AKAP6: variants seen among roughly 807,000 people sequenced by gnomAD.
The protein encoded by AKAP6 is A-kinase anchor protein 6.
Under a neutral mutation model 188.5 loss-of-function variants are expected in AKAP6, and 58 were observed. The ratio of observed to expected loss-of-function variants is 0.31; its 90% CI spans 0.25 to 0.38. The LOEUF (loss-of-function observed/expected upper bound fraction) is 0.38, where lower values mean the gene tolerates loss of function less well. Among genes scored for constraint, AKAP6 ranks in the 10% least tolerant of loss-of-function variants. The pLI, the probability that AKAP6 is intolerant of heterozygous loss-of-function variation, is 1.00. For missense variants in AKAP6, 2,710 were observed against 2,740.0 expected, an observed-to-expected ratio of 0.99 and a Z score of 0.24; for synonymous variants, 989 against 998.6, an observed-to-expected ratio of 0.99 and a Z score of 0.18.
chr14:32,348,613 A>G lies in AKAP6; in HGVS notation c.-35+19205A>G, dbSNP rs573438552. On this transcript the variant is annotated intron_variant, in intron 1 of 13. Transcript: ENST00000280979. ...TTTTTAGTAGAGACGGAGTTTCACC[A>G]TGTTGGTCAGGCTGGTCTTGAACTC... Among the ~76,000 whole-genome samples the G allele has an allele frequency of 5.9e-3, 904 of 152,012 alleles. 3 individuals carry two copies. Among genetic ancestry groups the G allele is most frequent in the South Asian group, 0.025 (120 of 4,812 alleles).
chr14:32,780,976 C>T (rs188402158), intron 12 of AKAP6, among the ~76,000 whole-genome samples: 2 of 152,184 alleles, frequency 1.3e-5, no homozygotes, highest in Admixed American at 1.3e-4. Context: ...ATATTAAAAT[C>T]TGTGGGATGC....
intron 6 of AKAP6, among the ~76,000 whole-genome samples, chr14:32,599,727 T>G (rs1157709807): frequency 6.6e-6 from 1 of 152,220 alleles, no homozygotes; most frequent in Non-Finnish European, 1.5e-5. Context: ...CATTTTATTT[T>G]GGGCTGCCGT....
chr14:32,744,466 G>A (rs769078869), intron 11 of AKAP6, among the ~76,000 whole-genome samples: 18 of 151,808 alleles, frequency 1.2e-4, no homozygotes, highest in East Asian at 5.8e-4. Context: ...ACAGGCACCC[G>A]CCACCACACC....
At chr14:32,750,081 C>G (rs2032065768) in intron 11 of AKAP6, among the ~76,000 whole-genome samples, 2 of 152,128 alleles carry the variant, frequency 1.3e-5, no homozygotes, top group African/African-American at 4.8e-5. Flanking sequence ...GACATTCTTT[C>G]ATTTAGGCAC....
At chr14:32,641,840 T>C (rs113688361) in intron 7 of AKAP6, among the ~76,000 whole-genome samples, 166 of 152,240 alleles carry the variant, frequency 1.1e-3, no homozygotes, top group Middle Eastern at 6.8e-3. Flanking sequence ...GAACACGTTT[T>C]TAGGGGATTG....
chr14:32,760,719 T>C (rs543141017), intron 11 of AKAP6, among the ~76,000 whole-genome samples: 121 of 152,194 alleles, frequency 8.0e-4, no homozygotes, highest in African/African-American at 2.8e-3. Flanking sequence ...TTCAAGAAAA[T>C]GGTCTTGAAA....
intron 1 of AKAP6, among the ~76,000 whole-genome samples, chr14:32,338,156 A>C (rs1886775603): frequency 6.6e-6 from 1 of 152,110 alleles, no homozygotes; most frequent in Admixed American, 6.5e-5. Context: ...AGGTGAATAT[A>C]CCCATATATT....
intron 2 of AKAP6, among the ~76,000 whole-genome samples, chr14:32,486,620 C>CTGT (rs201036399): frequency 0.011 from 1,747 of 152,202 alleles, 15 homozygotes; most frequent in East Asian, 0.026. Flanking sequence ...CTCTGTTTGT[C>CTGT]TGTTGTTGTT....
intron 12 of AKAP6, among the ~76,000 whole-genome samples, chr14:32,788,973 T>C (rs1424754183): frequency 6.6e-6 from 1 of 152,180 alleles, no homozygotes; most frequent in African/African-American, 2.4e-5. Context: ...AGGACTGAGT[T>C]CCTGGGGAGA....
At chr14:32,753,695 T>G (rs2032225737) in intron 11 of AKAP6, among the ~76,000 whole-genome samples, 1 of 152,214 alleles carries the variant, frequency 6.6e-6, no homozygotes. Context: ...AGTTGATTCT[T>G]GTATATGGTG....
intron 5 of AKAP6, among the ~76,000 whole-genome samples, chr14:32,582,037 A>G (rs1285544503): frequency 2.6e-5 from 4 of 152,020 alleles, no homozygotes; most frequent in South Asian, 2.1e-4. Context: ...TCCTGTCATT[A>G]TGATGTTAGC....
intron 9 of AKAP6, 117 bp downstream of exon 9, chr14:32,696,227 G>A: frequency 7.6e-7 from 1 of 1,310,898 alleles, no homozygotes; most frequent in Non-Finnish European, 9.9e-7. Flanking sequence ...GTGTCTATTA[G>A]AATTCCCTTC....
intron 1 of AKAP6, among the ~76,000 whole-genome samples, chr14:32,431,861 A>G (rs1890237534): frequency 6.6e-6 from 1 of 152,184 alleles, no homozygotes; most frequent in African/African-American, 2.4e-5. Flanking sequence ...GAAATTAGGG[A>G]AAAGGATTAC....
At chr14:32,354,300 A>T (rs1887405117) in intron 1 of AKAP6, among the ~76,000 whole-genome samples, 1 of 152,088 alleles carries the variant, frequency 6.6e-6, no homozygotes, top group Non-Finnish European at 1.5e-5. Flanking sequence ...TGTCTCAAAA[A>T]AAAAAAAAAG....
intron 2 of AKAP6, among the ~76,000 whole-genome samples, chr14:32,482,888 C>T (rs1879426835): frequency 3.3e-5 from 5 of 151,648 alleles, no homozygotes; most frequent in African/African-American, 1.2e-4. Flanking sequence ...TGGTGAATAA[C>T]TTTGTGATTT....
Position 32,821,580 on chromosome 14 carries a change from A to G in AKAP6, c.3767A>G (p.Asn1256Ser), listed in dbSNP as rs2034519514. The change falls in exon 13 of 14, where the codon AAT becomes AGT. Residue 1256 changes from asparagine to serine, a missense_variant. By Grantham distance (46) the Asn-to-Ser change is conservative. Transcript: ENST00000280979. ...TCCTTGAAGCTTGGAGAGACAAGTA[A>G]TGAGGACCCTGGTTATGACGAGGAG... ...IPSLKLGETS[N>S]EDPGYDEEAD... is the part of the protein sequence containing the mutation. 1 of 1,613,782 alleles carries G rather than the reference A, an allele frequency of 6.2e-7. No individual in the cohort carries two copies. The highest frequency in any genetic ancestry group is 1.7e-5 in the Admixed American group (1 of 59,912).
intron 7 of AKAP6, among the ~76,000 whole-genome samples, chr14:32,601,491 C>G (rs1885926741): frequency 6.6e-6 from 1 of 152,184 alleles, no homozygotes; most frequent in Non-Finnish European, 1.5e-5. Context: ...CAGACTGGCA[C>G]TGTTCTAAAG....
In AKAP6 at chr14:32,621,607, G is replaced by A. The variant is rs1425758676; in HGVS notation, c.2730+20815G>A. 2.0e-5 allele frequency among the ~76,000 whole-genome samples: 3 copies of A among 152,004 alleles called. No homozygotes were observed. In the East Asian group the frequency reaches 5.8e-4, roughly 29 times the overall value. ...GTGGCCTATCATATGGTCTATCTTG[G>A]AGAATGTTCCATGTGCTGACGAGAA... On this transcript the variant is annotated intron_variant, in intron 7 of 13. Transcript: ENST00000280979.
rs796646569 is a variant in AKAP6, at chr14:32,723,549, GTATGTGTT to G, written c.3001-8897_3001-8890del. Among the ~76,000 whole-genome samples the G allele has an allele frequency of 5.0e-4, 72 of 144,978 alleles. 1 individual carries two copies. Among genetic ancestry groups the G allele is most frequent in the Middle Eastern group, 3.5e-3 (1 of 282 alleles). On this transcript the variant is annotated intron_variant, in intron 9 of 13. Coordinates refer to ENST00000280979, the MANE Select transcript of AKAP6 (RefSeq NM_004274.5). The stretch of plus-strand genomic sequence containing the variant: ...CTTCACATAATATATATATGTGTGC[GTATGTGTT>G]TATGTGTGTGTGTGTGTGTGTGTGT...
Sources: allele counts gnomAD v4.1 joint callset (sites outside exome capture counted in the v4.1 genomes callset), GRCh38; gene constraint gnomAD v4.1.1; transcripts MANE v1.5; gene names NCBI Gene and HGNC (gene_info 2026-07-23, HGNC 2026-07-21).